Variants in AGBL2 observed in about 807,000 individuals in gnomAD.
The protein encoded by AGBL2 is cytosolic carboxypeptidase 2.
In AGBL2, 87 loss-of-function variants were observed where a neutral mutation model predicts 103.0. The observed-to-expected ratio is 0.84, with a 90% confidence interval of 0.71 to 1.01. The LOEUF is 1.01. AGBL2 is among the 50% of genes least tolerant of loss of function. The probability of loss-of-function intolerance (pLI) is 0.00; values close to 1 mark genes in which losing one functional copy is unlikely to be tolerated. For synonymous variants in AGBL2, 335 were observed against 356.7 expected (o/e 0.94, Z 0.69); for missense variants, 904 against 1,023.5 (o/e 0.88, Z 1.59).
chr11:47,704,600 G>A lies in AGBL2; in HGVS notation c.529C>T (p.Gln177Ter), dbSNP rs932590913. The A allele has an allele frequency of 6.2e-7, 1 of 1,614,046 alleles. No individual in the cohort carries two copies. Among genetic ancestry groups the A allele is most frequent in the Non-Finnish European group, 8.5e-7 (1 of 1,180,010 alleles). Residue 177 changes from glutamine to a stop codon, truncating the protein, a stop_gained, in exon 7 of 19, where the codon CAG becomes TAG. Coordinates refer to ENST00000525123, the MANE Select transcript of AGBL2 (RefSeq NM_024783.4). LOFTEE classifies it high-confidence loss of function. ...FSILSTKRPL[Q>*]APRWPIECEV... ...CATTCAATTGGCCATCTTGGAGCCT[G>A]CAGTGGCCTCTTGGTAGACAAAATG...
chr11:47,697,599 G>A (rs1320457921), intron 8 of AGBL2, among the ~76,000 whole-genome samples: 4 of 127,888 alleles, frequency 3.1e-5, no homozygotes, highest in Admixed American at 2.8e-4. Flanking sequence ...AGGCTAGAGT[G>A]CAGTGGCGCA....
chr11:47,672,722 A>T (rs1375846950), intron 14 of AGBL2, among the ~76,000 whole-genome samples: 2 of 152,146 alleles, frequency 1.3e-5, no homozygotes, highest in Admixed American at 6.6e-5. Context: ...TGAATGGGGC[A>T]CACTACCTGG....
chr11:47,684,933 G>A (rs746890665), intron 11 of AGBL2, among the ~76,000 whole-genome samples: 2 of 152,066 alleles, frequency 1.3e-5, no homozygotes, highest in African/African-American at 2.4e-5. Context: ...ATGGAGGGGC[G>A]CAGTAGCTCA....
chr11:47,671,100 A>C (rs911662427), intron 14 of AGBL2, among the ~76,000 whole-genome samples: 2 of 152,128 alleles, frequency 1.3e-5, no homozygotes, highest in African/African-American at 4.8e-5. Flanking sequence ...AAACTTAAAT[A>C]ATCAAACCTT....
chr11:47,681,759 G>A (rs79408863), intron 12 of AGBL2, among the ~76,000 whole-genome samples: 14,972 of 152,234 alleles, frequency 0.098, 832 homozygotes, highest in Non-Finnish European at 0.13. Flanking sequence ...CGCCTGGCCT[G>A]ATTCCAGGTC....
intron 17 of AGBL2, among the ~76,000 whole-genome samples, chr11:47,664,127 T>C (rs1338467988): frequency 2.6e-5 from 4 of 152,262 alleles, no homozygotes; most frequent in Admixed American, 1.3e-4. Flanking sequence ...AGTGCTGGGA[T>C]TACAGGCGTG....
intron 18 of AGBL2, 108 bp downstream of exon 18, chr11:47,662,918 G>T: frequency 1.1e-6 from 1 of 935,540 alleles, no homozygotes; most frequent in South Asian, 1.5e-5. Flanking sequence ...ATCCGAGAAG[G>T]TAAAACTGGA....
chr11:47,710,540 C>A lies in AGBL2; in HGVS notation c.98-29G>T, dbSNP rs1312852062. The A allele has an allele frequency of 6.8e-6, 11 of 1,612,220 alleles. No homozygotes were observed. The Admixed American group carries it at 1.8e-4, about 27-fold the overall frequency. ...AAAATTGGCAGTTTAATTAAAGTTG[C>A]TGGAAGGCCGACTCATCACTTCTAA... On this transcript the variant is annotated intron_variant, in intron 3 of 18. Transcript: ENST00000525123.
At chr11:47,674,359 C>T (rs1412381824) in intron 14 of AGBL2, among the ~76,000 whole-genome samples, 7 of 152,038 alleles carry the variant, frequency 4.6e-5, no homozygotes, top group African/African-American at 1.4e-4. Context: ...GTCAGGAGTT[C>T]GAGACCAGCC....
chr11:47,666,637 A>G (rs1414729937), intron 17 of AGBL2: 2 of 544,758 alleles, frequency 3.7e-6, no homozygotes, highest in East Asian at 6.2e-5. Flanking sequence ...AATAAAATTC[A>G]TTGATTTATT....
rs1440515781 is a variant in AGBL2, at chr11:47,678,343, A to ATTTTTTTTTTTTTT, written c.2017-943_2017-942insAAAAAAAAAAAAAA. 1.4e-4 allele frequency among the ~76,000 whole-genome samples: 16 copies of ATTTTTTTTTTTTTT among 116,848 alleles called. No individual in the cohort carries two copies. In the South Asian group the frequency reaches 1.8e-3, roughly 13 times the overall value. The allele number at this position is 116,848 out of a possible 152,430, so 76.7% of individuals were successfully genotyped here. A position where few individuals can be genotyped will look rare whatever the true frequency, so the allele number is the denominator to read the frequency against. ...TTATTTTATTTTATTTTATTATTTTATTTTTTTTGAGACGGAGTCTTGCTC... is the reference window on the plus strand; with the variant it reads ...TTATTTTATTTTATTTTATTATTTTATTTTTTTTTTTTTTTTTTTTTTGAGACGGAGTCTTGCTC... On this transcript the variant is annotated intron_variant, in intron 13 of 18. Transcript: ENST00000525123.
At chr11:47,689,461 C>G (rs550155601) in intron 10 of AGBL2, among the ~76,000 whole-genome samples, 2 of 151,918 alleles carry the variant, frequency 1.3e-5, no homozygotes, top group Non-Finnish European at 2.9e-5. Context: ...CCCACCAGCA[C>G]GCCTGGCTAA....
rs370150726 is a variant in AGBL2 at position 47,711,220 on chromosome 11, G to A, written c.98-709C>T. ...CTTCTAAGGAAACTTCTTTCCAAAAGAAAAGCAGTTATTTTAAGACCCCTT... is the reference window on the plus strand; with the variant it reads ...CTTCTAAGGAAACTTCTTTCCAAAAAAAAAGCAGTTATTTTAAGACCCCTT... On this transcript the variant is annotated intron_variant, in intron 3 of 18. Coordinates refer to ENST00000525123, the MANE Select transcript of AGBL2 (RefSeq NM_024783.4). Among the ~76,000 whole-genome samples, 27 of 152,162 alleles carry A rather than the reference G, an allele frequency of 1.8e-4. No homozygotes were observed. In the East Asian group the frequency reaches 2.9e-3, roughly 16 times the overall value.
At chr11:47,692,056 C>A (rs761375705) in intron 9 of AGBL2, 47 bp downstream of exon 9, 1 of 1,541,590 alleles carries the variant, frequency 6.5e-7, no homozygotes, top group Admixed American at 1.7e-5. Context: ...ACTGAAGACA[C>A]CTTCTAGTCA....
chr11:47,681,120 G>C (rs1429382636), intron 12 of AGBL2, among the ~76,000 whole-genome samples: 1 of 151,924 alleles, frequency 6.6e-6, no homozygotes, highest in Non-Finnish European at 1.5e-5. Flanking sequence ...GCTTGAGCCA[G>C]GGAGTTTGAG....
rs371132378 is a variant in AGBL2 at position 47,692,209 on chromosome 11, G to A, written c.742C>T (p.Arg248Ter). The part of the protein sequence containing the change: ...YFTSSRVGGK[R>*]GIVKELAVTL... ...ACAGCAAGTTCCTTGACAATTCCTC[G>A]TTTGCCTCCCACTCTGGAACTGGTA... is the stretch of plus-strand genomic sequence containing the variant. Residue 248 changes from arginine to a stop codon, truncating the protein, a stop_gained, in exon 9 of 19, where the codon CGA (arginine) becomes TGA (stop). Transcript: ENST00000525123. LOFTEE classifies it high-confidence loss of function. 20 of 1,613,290 alleles carry A rather than the reference G, an allele frequency of 1.2e-5. No homozygotes were observed. The highest frequency in any genetic ancestry group is 7.7e-5 in the South Asian group (7 of 91,082).
chr11:47,668,164 A>AAGAT (rs1356926686), intron 15 of AGBL2, among the ~76,000 whole-genome samples: 1 of 138,948 alleles, frequency 7.2e-6, no homozygotes, highest in Non-Finnish European at 1.5e-5. Context: ...AGCTGAGATC[A>AAGAT]CGCCCCTGAA....
intron 12 of AGBL2, among the ~76,000 whole-genome samples, chr11:47,681,034 T>C (rs1565032759): frequency 6.6e-6 from 1 of 152,004 alleles, no homozygotes; most frequent in Non-Finnish European, 1.5e-5. Flanking sequence ...ATTATTGCAG[T>C]AAAAGGAAAA....
chr11:47,702,233 A>G (rs1256866387), intron 7 of AGBL2, among the ~76,000 whole-genome samples: 2 of 152,094 alleles, frequency 1.3e-5, no homozygotes, highest in Non-Finnish European at 2.9e-5. Flanking sequence ...TTAATGCTCA[A>G]TGTTCTATGG....
Sources: allele counts gnomAD v4.1 joint callset (sites outside exome capture counted in the v4.1 genomes callset), GRCh38; gene constraint gnomAD v4.1.1; transcripts MANE v1.5; gene names NCBI Gene and HGNC (gene_info 2026-07-23, HGNC 2026-07-21).